SLC7A10: variants seen among roughly 807,000 people sequenced by gnomAD.
SLC7A10 encodes solute carrier family 7 member 10.
In SLC7A10, 30 loss-of-function variants were observed where a neutral mutation model predicts 52.7. The ratio of observed to expected loss-of-function variants is 0.57; its 90% CI spans 0.43 to 0.77. The LOEUF (loss-of-function observed/expected upper bound fraction) is 0.77, where lower values mean the gene tolerates loss of function less well. Among genes scored for constraint, SLC7A10 ranks in the 30% least tolerant of loss-of-function variants. The pLI is 0.00. For synonymous variants in SLC7A10, 318 were observed against 314.9 expected (o/e 1.01, Z -0.10); for missense variants, 581 against 698.5 (o/e 0.83, Z 1.90).
At chr19:33,220,381 A>G (rs571876880) in intron 1 of SLC7A10, 5 of 152,286 alleles carry the variant, frequency 3.3e-5, no homozygotes, top group African/African-American at 1.2e-4. Flanking sequence ...CACGTTGCCA[A>G]ACGCAACAGT....
chr19:33,208,773 G>T lies in SLC7A10; in HGVS notation c.*118C>A. 7.2e-7 allele frequency: 1 copy of T among 1,379,590 alleles called. No homozygotes were observed. Among genetic ancestry groups the T allele is most frequent in the South Asian group, 1.2e-5 (1 of 80,520 alleles). 85.5% of individuals were successfully genotyped at this position (1,379,590 alleles called of 1,614,324 possible). On this transcript the variant is annotated 3_prime_UTR_variant, in exon 11 of 11. Coordinates refer to ENST00000253188, the MANE Select transcript of SLC7A10 (RefSeq NM_019849.3). This position sits in a 1 kb window ranked among gnomAD's most constrained non-coding sequence, Gnocchi z 4.7. ...AGGGCTTCCTTAAACAGGCTTCTGA[G>T]AGTCGTATCTTTTTTCTTTTTTTTC... is the stretch of plus-strand genomic sequence containing the variant.
intron 1 of SLC7A10, among the ~76,000 whole-genome samples, chr19:33,216,591 A>C (rs1974689103): frequency 6.6e-6 from 1 of 151,264 alleles, no homozygotes; most frequent in Admixed American, 6.6e-5. Context: ...TCCTACTTCA[A>C]TTTCCTTTCC....
chr19:33,209,900 A>G (rs1002534384), intron 9 of SLC7A10, among the ~76,000 whole-genome samples: 2 of 151,082 alleles, frequency 1.3e-5, no homozygotes, highest in African/African-American at 4.9e-5. Context: ...AAATCCTGGC[A>G]GCCTTTGTGA....
rs1315578449 is a variant in SLC7A10, at chr19:33,210,199, C to T, written c.1263+268G>A. On this transcript the variant is annotated intron_variant, in intron 9 of 10. Coordinates refer to ENST00000253188, the MANE Select transcript of SLC7A10 (RefSeq NM_019849.3). This position sits in a 1 kb window ranked among gnomAD's most constrained non-coding sequence, Gnocchi z 5.6. ...CTGGGCTCCAGCAATCCTCCCACCT[C>T]GGCCTCCCAAAGTGCTGGAATAGGC... is the stretch of plus-strand genomic sequence containing the variant. 8.5e-5 allele frequency among the ~76,000 whole-genome samples: 13 copies of T among 152,276 alleles called. No homozygotes were observed. Among genetic ancestry groups the T allele is most frequent in the East Asian group, 3.9e-4 (2 of 5,184 alleles).
In SLC7A10 at chr19:33,209,447, C is replaced by T. The variant is rs752048743; in HGVS notation, c.1302G>A (p.Trp434Ter). Reference protein sequence around the residue: ...LLIPVAYLVFWAFLLVFSFIS... With the variant: ...LLIPVAYLVF ...TGAAGCTGAAGACCAGCAGGAAGGC[C>T]CAGAAGACCAAGTACGCCACGGGGA... Residue 434 changes from tryptophan to a stop codon, truncating the protein, a stop_gained, in exon 10 of 11, where the codon TGG (tryptophan) becomes TGA (stop). Coordinates refer to ENST00000253188, the MANE Select transcript of SLC7A10 (RefSeq NM_019849.3). LOFTEE classifies it high-confidence loss of function. 1.9e-6 allele frequency: 3 copies of T among 1,613,868 alleles called. No homozygotes were observed. The highest frequency in any genetic ancestry group is 2.5e-6 in the Non-Finnish European group (3 of 1,179,964).
chr19:33,222,010 T>A (rs1974820061), intron 1 of SLC7A10, among the ~76,000 whole-genome samples: 1 of 152,164 alleles, frequency 6.6e-6, no homozygotes, highest in Non-Finnish European at 1.5e-5. Flanking sequence ...AGGAGCTCAG[T>A]GAAGCCTAGT....
chr19:33,210,625 G>C lies in SLC7A10; in HGVS notation c.1114-9C>G. ...ACGGCTGTGGCCCCGCACTGGGAGA[G>C]GACCTGGGGCTGACGGCTGGCCCCT... On this transcript the variant is annotated splice_polypyrimidine_tract_variant and intron_variant, in intron 8 of 10. Transcript: ENST00000253188. This position sits in a 1 kb window ranked among gnomAD's most constrained non-coding sequence, Gnocchi z 5.6. 1 of 1,611,150 alleles carries C rather than the reference G, an allele frequency of 6.2e-7. No homozygotes were observed. Among genetic ancestry groups the C allele is most frequent in the Non-Finnish European group, 8.5e-7 (1 of 1,179,940 alleles).
Position 33,212,887 on chromosome 19 carries a change from T to TG in SLC7A10, c.471dup (p.Thr158HisfsTer103), listed in dbSNP as rs753589038. 7 of 1,613,172 alleles carry TG rather than the reference T, an allele frequency of 4.3e-6. No homozygotes were observed. The highest frequency in any genetic ancestry group is 2.2e-5 in the East Asian group (1 of 44,858). ...ATGGACAGCACCCGGGAGGCTGTGG[T>TG]GGGGGGGATGCAGTTGGGGAACACG... On this transcript the variant is annotated frameshift_variant, in exon 3 of 11. Transcript: ENST00000253188. LOFTEE classifies it high-confidence loss of function.
At chr19:33,223,694 G>A (rs1974862410) in intron 1 of SLC7A10, among the ~76,000 whole-genome samples, 1 of 152,170 alleles carries the variant, frequency 6.6e-6, no homozygotes, top group Non-Finnish European at 1.5e-5. Flanking sequence ...GACCACCACT[G>A]AGTGCCCCGG....
chr19:33,211,435 G>A lies in SLC7A10; in HGVS notation c.891C>T (p.Leu297=), dbSNP rs941235452. 1.9e-6 allele frequency: 3 copies of A among 1,614,112 alleles called. No homozygotes were observed. The highest frequency in any genetic ancestry group is 2.5e-6 in the Non-Finnish European group (3 of 1,180,018). ...TCACCACAGCCACCGCATTGGAGGA[G>A]AGCAGCTCCTGGGGGGACATGGCCG... ...YFTAMSPQEL[L]SSNAVAVTFG... Residue 297 remains leucine, a synonymous_variant, in exon 6 of 11, where the codon CTC becomes CTT. Coordinates refer to ENST00000253188, the MANE Select transcript of SLC7A10 (RefSeq NM_019849.3).
At chr19:33,222,703 A>G (rs1294259720) in intron 1 of SLC7A10, among the ~76,000 whole-genome samples, 1 of 152,170 alleles carries the variant, frequency 6.6e-6, no homozygotes, top group Non-Finnish European at 1.5e-5. Context: ...TTCTGAACAG[A>G]TATTGGATGT....
Position 33,212,438 on chromosome 19 carries a change from G to A in SLC7A10, c.642C>T (p.Phe214=), listed in dbSNP as rs1375137403. 11 of 1,613,934 alleles carry A rather than the reference G, an allele frequency of 6.8e-6. No homozygotes were observed. The highest frequency in any genetic ancestry group is 2.2e-5 in the South Asian group (2 of 91,090). Residue 214 remains phenylalanine (F), a synonymous_variant, in exon 5 of 11, where the codon TTC becomes TTT. Transcript: ENST00000253188. ...AGGCATTGCTGGGCCTCAGCTCCTCGAAGTGTCCTGGAGGCCCAGAAGTCG... is the reference window on the plus strand; with the variant it reads ...AGGCATTGCTGGGCCTCAGCTCCTCAAAGTGTCCTGGAGGCCCAGAAGTCG... The part of the protein sequence containing the change: ...VGLLQIFQGH[F]EELRPSNAFA...
In SLC7A10 at chr19:33,211,491, C is replaced by T. The variant is rs140258239; in HGVS notation, c.835G>A (p.Val279Met). 22 of 1,614,024 alleles carry T rather than the reference C, an allele frequency of 1.4e-5. No individual in the cohort carries two copies. The highest frequency in any genetic ancestry group is 5.0e-5 in the Admixed American group (3 of 60,020). Residue 279 changes from valine to methionine, a missense_variant, in exon 6 of 11, where the codon GTG becomes ATG. Transcript: ENST00000253188. Reference sequence around the variant, plus strand: ...TAGGCAATGTTGGTGAACGTGTACACGAAGGTCACCAGTGGGATGGAGATG... The same window carrying T: ...TAGGCAATGTTGGTGAACGTGTACATGAAGGTCACCAGTGGGATGGAGATG... Reference protein sequence around the residue: ...IFISIPLVTFVYTFTNIAYFT... With the variant: ...IFISIPLVTFMYTFTNIAYFT...
chr19:33,221,782 G>A (rs746246018), intron 1 of SLC7A10, among the ~76,000 whole-genome samples: 26 of 152,176 alleles, frequency 1.7e-4, no homozygotes, highest in Admixed American at 7.9e-4. Context: ...TGCAGGAGCC[G>A]GACTCTCAAG....
chr19:33,224,688 A>C (rs1056084718), intron 1 of SLC7A10, among the ~76,000 whole-genome samples: 11 of 152,062 alleles, frequency 7.2e-5, no homozygotes, highest in African/African-American at 2.2e-4. Flanking sequence ...GCTCAGAGGC[A>C]CTCTGTGTAG....
intron 1 of SLC7A10, among the ~76,000 whole-genome samples, chr19:33,225,007 C>T (rs1974891722): frequency 2.6e-5 from 4 of 152,228 alleles, no homozygotes; most frequent in Admixed American, 2.0e-4. Flanking sequence ...TCATTGCCTG[C>T]TCTGAACCTC....
At chr19:33,213,956 C>T (rs1001608747) in intron 2 of SLC7A10, among the ~76,000 whole-genome samples, 6 of 152,094 alleles carry the variant, frequency 3.9e-5, no homozygotes, top group East Asian at 1.9e-4. Context: ...ACTGCCTCAT[C>T]GGGGACATCA....
chr19:33,215,291 C>T (rs1364159486), intron 2 of SLC7A10, among the ~76,000 whole-genome samples: 4 of 146,958 alleles, frequency 2.7e-5, no homozygotes, highest in Non-Finnish European at 4.5e-5. Context: ...AAAAAAAGGA[C>T]CTTATGCAGG....
Position 33,225,617 on chromosome 19 carries a change from G to T in SLC7A10, c.87C>A (p.Gly29=), listed in dbSNP as rs551438231. The part of the protein sequence containing the change: ...SPSPVPGTVP[G]ASERVALKKE... ...TCTTGAGCGCCACCCGCTCCGAGGC[G>T]CCGGGGACGGTCCCTGGGACTGGGG... Residue 29 remains glycine, a synonymous_variant, in exon 1 of 11, where the codon GGC becomes GGA. Transcript: ENST00000253188. 9 of 1,592,688 alleles carry T rather than the reference G, an allele frequency of 5.7e-6. No individual in the cohort carries two copies. The highest frequency in any genetic ancestry group is 5.0e-5 in the Admixed American group (3 of 59,570).
Sources: gnomAD v4.1 joint callset for allele counts (sites outside exome capture counted in the v4.1 genomes callset) on GRCh38, gnomAD v4.1.1 for gene constraint, Gnocchi (gnomAD v3.1) non-coding constraint, MANE v1.5 for transcripts, NCBI Gene and HGNC (gene_info 2026-07-23, HGNC 2026-07-21) for gene names.